Variants in TMEM169 observed in about 807,000 individuals in gnomAD.
The protein encoded by TMEM169 is transmembrane protein 169.
Under a neutral mutation model 27.3 loss-of-function variants are expected in TMEM169, and 18 were observed. The observed-to-expected ratio is 0.66, with a 90% CI of 0.46 to 0.98. The LOEUF is 0.98. Ranked by LOEUF, TMEM169 falls within the 50% of genes least tolerant of loss-of-function variation. The pLI is 0.00. For missense variants in TMEM169, 320 were observed against 368.6 expected (o/e 0.87, Z 1.08); for synonymous variants, 136 against 142.1 (o/e 0.96, Z 0.30).
intron 1 of TMEM169, among the ~76,000 whole-genome samples, chr2:216,085,663 G>A (rs1695978305): frequency 6.6e-6 from 1 of 152,154 alleles, no homozygotes; most frequent in Non-Finnish European, 1.5e-5. Flanking sequence ...CTGAGGTTGG[G>A]AGTTCGAGAC....
intron 1 of TMEM169, among the ~76,000 whole-genome samples, chr2:216,089,285 A>G (rs866812146): frequency 5.9e-5 from 9 of 152,294 alleles, no homozygotes; most frequent in Non-Finnish European, 1.0e-4. Context: ...CTGTGATCAC[A>G]TCAGGGACTT....
intron 1 of TMEM169, among the ~76,000 whole-genome samples, chr2:216,089,104 G>A (rs1696071950): frequency 6.6e-6 from 1 of 152,144 alleles, no homozygotes; most frequent in Admixed American, 6.5e-5. Flanking sequence ...GGCAATTATG[G>A]GTTGGAGAAA....
At chr2:216,098,106 C>A (rs1466889289) in intron 2 of TMEM169, among the ~76,000 whole-genome samples, 2 of 151,828 alleles carry the variant, frequency 1.3e-5, no homozygotes, top group Non-Finnish European at 2.9e-5. Context: ...GTGGCCCTTG[C>A]AGGTCTCGGT....
In TMEM169 at chr2:216,100,718, C is replaced by A; in HGVS notation, c.*176C>A. Reference sequence around the variant, plus strand: ...TCCAGGAGGGCATGGAGCAGACAAGCAATTGTGCCAAAGCAGTTCACCCAA... The same window carrying A: ...TCCAGGAGGGCATGGAGCAGACAAGAAATTGTGCCAAAGCAGTTCACCCAA... On this transcript the variant is annotated 3_prime_UTR_variant, in exon 3 of 3. Coordinates refer to ENST00000437356, the MANE Select transcript of TMEM169 (RefSeq NM_001142311.2). The A allele has an allele frequency of 1.2e-6, 1 of 811,850 alleles. No homozygotes were observed. Among genetic ancestry groups the A allele is most frequent in the Non-Finnish European group, 1.9e-6 (1 of 527,038 alleles). The allele number at this position is 811,850 out of a possible 1,614,324, so 50.3% of individuals were successfully genotyped here.
At chr2:216,084,761 G>C (rs1695958424) in intron 1 of TMEM169, among the ~76,000 whole-genome samples, 1 of 152,154 alleles carries the variant, frequency 6.6e-6, no homozygotes, top group Non-Finnish European at 1.5e-5. Flanking sequence ...TGGAGCAGCA[G>C]AGCAGCAAGA....
chr2:216,089,646 G>T (rs1463284222), intron 1 of TMEM169, among the ~76,000 whole-genome samples: 1 of 152,064 alleles, frequency 6.6e-6, no homozygotes, highest in Non-Finnish European at 1.5e-5. Context: ...TAGAGACAGG[G>T]TTTCACCATG....
intron 1 of TMEM169, among the ~76,000 whole-genome samples, chr2:216,088,339 C>T (rs1248981055): frequency 6.6e-6 from 1 of 152,184 alleles, no homozygotes; most frequent in Non-Finnish European, 1.5e-5. Context: ...TGGTGGGCGC[C>T]TGTAGTCCCA....
chr2:216,097,429 A>T (rs1004551988), intron 2 of TMEM169, among the ~76,000 whole-genome samples: 59 of 152,178 alleles, frequency 3.9e-4, no homozygotes, highest in Non-Finnish European at 4.4e-4. Context: ...GGCATGCCTG[A>T]GGTCCCAGCT....
chr2:216,095,922 A>C lies in TMEM169; in HGVS notation c.-42A>C. 1 of 1,572,904 alleles carries C rather than the reference A, an allele frequency of 6.4e-7. No individual in the cohort carries two copies. The highest frequency in any genetic ancestry group is 8.6e-7 in the Non-Finnish European group (1 of 1,160,318). ...TGTGAACTGTGAGTTTACTCAAACA[A>C]GTCCAACTCTTTATAAGACATAGGT... On this transcript the variant is annotated 5_prime_UTR_variant, in exon 2 of 3. Coordinates refer to ENST00000437356, the MANE Select transcript of TMEM169 (RefSeq NM_001142311.2).
rs1474643469 is a variant in TMEM169, at chr2:216,096,074, G to A, written c.111G>A (p.Met37Ile). Residue 37 changes from methionine (M) to isoleucine (I), a missense_variant, in exon 2 of 3, where the codon ATG becomes ATA. Transcript: ENST00000437356. ...TGGCGCTGGATGGGGAATCCACAAT[G>A]GGGCACAGGAAAAAGAAGAGGAAAG... ...AALALDGEST[M>I]GHRKKKRKES... 4 of 1,614,068 alleles carry A rather than the reference G, an allele frequency of 2.5e-6. No individual in the cohort carries two copies. The highest frequency in any genetic ancestry group is 3.4e-6 in the Non-Finnish European group (4 of 1,180,046).
chr2:216,096,793 A>C (rs1199170579), intron 2 of TMEM169, among the ~76,000 whole-genome samples: 3 of 152,230 alleles, frequency 2.0e-5, no homozygotes, highest in Non-Finnish European at 4.4e-5. Flanking sequence ...ATTTATACGC[A>C]AAAACTGGTA....
In TMEM169 at chr2:216,100,612, T is replaced by G; in HGVS notation, c.*70T>G. 2.5e-6 allele frequency: 4 copies of G among 1,590,372 alleles called. No homozygotes were observed. Among genetic ancestry groups the G allele is most frequent in the Non-Finnish European group, 3.4e-6 (4 of 1,165,416 alleles). On this transcript the variant is annotated 3_prime_UTR_variant, in exon 3 of 3. Coordinates refer to ENST00000437356, the MANE Select transcript of TMEM169 (RefSeq NM_001142311.2). ...ATCATCTTAAAATTCCAGCAGATTA[T>G]TTCTTTAAATTACCCCCTACTCTCC...
At chr2:216,090,716 A>G (rs1272562723) in intron 1 of TMEM169, among the ~76,000 whole-genome samples, 2 of 152,154 alleles carry the variant, frequency 1.3e-5, no homozygotes, top group Non-Finnish European at 2.9e-5. Context: ...CAGCTAAGGC[A>G]CTCCCAGTTT....
At chr2:216,090,409 A>G (rs1216138064) in intron 1 of TMEM169, among the ~76,000 whole-genome samples, 3 of 152,236 alleles carry the variant, frequency 2.0e-5, no homozygotes, top group Non-Finnish European at 2.9e-5. Flanking sequence ...GGAGAGGCCC[A>G]TGTGGAGAGA....
intron 1 of TMEM169, among the ~76,000 whole-genome samples, chr2:216,088,779 A>G (rs777418439): frequency 3.0e-4 from 45 of 152,222 alleles, no homozygotes; most frequent in Non-Finnish European, 4.8e-4. Flanking sequence ...GGTAAATTCC[A>G]TAAATGTTGT....
At chr2:216,089,739 C>T (rs750068515) in intron 1 of TMEM169, among the ~76,000 whole-genome samples, 4 of 152,172 alleles carry the variant, frequency 2.6e-5, no homozygotes, top group Non-Finnish European at 5.9e-5. Flanking sequence ...CGGGCATGAG[C>T]CACCACACCT....
At chr2:216,094,916 A>G (rs1696225960) in intron 1 of TMEM169, among the ~76,000 whole-genome samples, 1 of 152,144 alleles carries the variant, frequency 6.6e-6, no homozygotes, top group South Asian at 2.1e-4. Flanking sequence ...ACTTTTTGAG[A>G]TTGTGGGCTG....
Position 216,088,769 on chromosome 2 carries a change from G to A in TMEM169, c.-127+6790G>A, listed in dbSNP as rs552760630. ...ACAGAACCTACCAAATTACACAATC[G>A]GTAAATTCCATAAATGTTGTGGTGT... On this transcript the variant is annotated intron_variant, in intron 1 of 2. Transcript: ENST00000437356. Among the ~76,000 whole-genome samples the A allele has an allele frequency of 2.0e-5, 3 of 152,056 alleles. No homozygotes were observed. In the East Asian group the frequency reaches 5.8e-4, roughly 29 times the overall value.
chr2:216,097,967 G>A (rs779979758), intron 2 of TMEM169, among the ~76,000 whole-genome samples: 3 of 152,102 alleles, frequency 2.0e-5, no homozygotes, highest in Non-Finnish European at 1.5e-5. Flanking sequence ...AACAGCAAGG[G>A]CAAAGCCTCT....
Sources: gnomAD v4.1 joint callset for allele counts (sites outside exome capture counted in the v4.1 genomes callset) on GRCh38, gnomAD v4.1.1 for gene constraint, MANE v1.5 for transcripts, NCBI Gene and HGNC (gene_info 2026-07-23, HGNC 2026-07-21) for gene names.